PPP3CA: variants seen among roughly 807,000 people sequenced by gnomAD.
PPP3CA encodes the protein CAM-PRP catalytic subunit.
In PPP3CA, 14 loss-of-function variants were observed where a neutral mutation model predicts 66.5. That is an observed-to-expected ratio of 0.21 (90% CI 0.14 to 0.33). The LOEUF (loss-of-function observed/expected upper bound fraction) is 0.33, where lower values mean the gene tolerates loss of function less well. PPP3CA is among the 10% of genes least tolerant of loss of function. The probability of loss-of-function intolerance (pLI) is 1.00; values close to 1 mark genes in which losing one functional copy is unlikely to be tolerated. For missense variants in PPP3CA, 317 were observed against 639.5 expected (o/e 0.50, Z 5.44); for synonymous variants, 232 against 226.2 (o/e 1.03, Z -0.23).
At chr4:101,055,019 G>GT (rs1267345859) in intron 10 of PPP3CA, among the ~76,000 whole-genome samples, 5 of 152,094 alleles carry the variant, frequency 3.3e-5, no homozygotes, top group Admixed American at 6.6e-5. Context: ...AACTTCCACA[G>GT]TTTTTTCTGG....
intron 3 of PPP3CA, among the ~76,000 whole-genome samples, chr4:101,107,203 C>T (rs1237946417): frequency 6.6e-6 from 1 of 152,174 alleles, no homozygotes; most frequent in African/African-American, 2.4e-5. Flanking sequence ...CATGTGTGCT[C>T]TCAATATTCT....
chr4:101,290,264 A>G (rs1248591914), intron 1 of PPP3CA, among the ~76,000 whole-genome samples: 1 of 152,146 alleles, frequency 6.6e-6, no homozygotes, highest in Non-Finnish European at 1.5e-5. Flanking sequence ...TGTTACCTCT[A>G]TCTCCAGTTT....
intron 1 of PPP3CA, among the ~76,000 whole-genome samples, chr4:101,289,727 CT>C (rs1052494591): frequency 2.6e-5 from 4 of 152,004 alleles, no homozygotes; most frequent in African/African-American, 9.7e-5. Flanking sequence ...TGTTTTTAAA[CT>C]TACCTTTCAT....
chr4:101,196,895 T>C (rs1485174760), intron 1 of PPP3CA, among the ~76,000 whole-genome samples: 1 of 152,208 alleles, frequency 6.6e-6, no homozygotes, highest in Non-Finnish European at 1.5e-5. Context: ...TGTGAGTACA[T>C]TCATTCACTC....
chr4:101,040,020 T>C (rs1180603601), intron 11 of PPP3CA, among the ~76,000 whole-genome samples: 1 of 106,062 alleles, frequency 9.4e-6, no homozygotes, highest in African/African-American at 3.2e-5. Flanking sequence ...ATTGAAACAG[T>C]AATTTTTCTC....
intron 2 of PPP3CA, among the ~76,000 whole-genome samples, chr4:101,132,732 CT>C (rs1244243918): frequency 6.6e-6 from 1 of 152,162 alleles, no homozygotes; most frequent in East Asian, 1.9e-4. Flanking sequence ...AGAGGGACTC[CT>C]CCCTATCTCA....
intron 2 of PPP3CA, among the ~76,000 whole-genome samples, chr4:101,138,678 G>T (rs1722699876): frequency 6.6e-6 from 1 of 152,112 alleles, no homozygotes; most frequent in South Asian, 2.1e-4. Flanking sequence ...TCAGATTAGG[G>T]ATGCTCCCCT....
intron 2 of PPP3CA, among the ~76,000 whole-genome samples, chr4:101,129,068 A>C (rs1560616933): frequency 2.0e-5 from 3 of 152,252 alleles, no homozygotes; most frequent in East Asian, 3.9e-4. Flanking sequence ...GTGGTGAGGG[A>C]CATCTGCCAT....
At chr4:101,315,958 A>C (rs933763040) in intron 1 of PPP3CA, among the ~76,000 whole-genome samples, 10 of 152,148 alleles carry the variant, frequency 6.6e-5, no homozygotes, top group African/African-American at 2.2e-4. Context: ...TTGCTTGCCT[A>C]GTATGAATCT....
intron 2 of PPP3CA, among the ~76,000 whole-genome samples, chr4:101,124,741 AAGAAAGAAAG>A (rs1722177432): frequency 3.2e-5 from 3 of 93,220 alleles, no homozygotes; most frequent in African/African-American, 1.5e-4. Flanking sequence ...GAAAGAAAGA[AAGAAAGAAAG>A]AAAGAAAGAA....
intron 1 of PPP3CA, among the ~76,000 whole-genome samples, chr4:101,285,820 G>A (rs1381883647): frequency 1.3e-5 from 2 of 152,020 alleles, no homozygotes; most frequent in South Asian, 2.1e-4. Context: ...CCACAAAGCC[G>A]GTCCAGGGAA....
intron 13 of PPP3CA, among the ~76,000 whole-genome samples, chr4:101,027,096 A>C (rs1469057696): frequency 1.3e-5 from 2 of 152,138 alleles, no homozygotes; most frequent in African/African-American, 4.8e-5. Context: ...TGAGCTGCAA[A>C]TAAAACACAT....
chr4:101,191,932 G>A (rs1364002841), intron 2 of PPP3CA, among the ~76,000 whole-genome samples: 1 of 152,198 alleles, frequency 6.6e-6, no homozygotes, highest in Non-Finnish European at 1.5e-5. Context: ...AGGCAAACCA[G>A]AGAGATTAGC....
At chr4:101,151,652 CT>C (rs369745312) in intron 2 of PPP3CA, among the ~76,000 whole-genome samples, 7 of 84,822 alleles carry the variant, frequency 8.3e-5, no homozygotes, top group South Asian at 9.2e-4. Flanking sequence ...CCAAGGTTTC[CT>C]TTTTTTTTTT....
rs192514039 is a variant in PPP3CA at position 101,148,964 on chromosome 4, T to C, written c.260-39886A>G. ...TCACAGAAATTGTTCTTACATTCTTTACTAGCATGCCATATTAATGAATAA... is the reference window on the plus strand; with the variant it reads ...TCACAGAAATTGTTCTTACATTCTTCACTAGCATGCCATATTAATGAATAA... On this transcript the variant is annotated intron_variant, in intron 2 of 13. Coordinates refer to ENST00000394854, the MANE Select transcript of PPP3CA (RefSeq NM_000944.5). Among the ~76,000 whole-genome samples the C allele has an allele frequency of 7.2e-5, 11 of 152,332 alleles. No individual in the cohort carries two copies. The East Asian group carries it at 1.9e-3, about 27-fold the overall frequency.
intron 1 of PPP3CA, among the ~76,000 whole-genome samples, chr4:101,311,159 G>A (rs1024639322): frequency 2.6e-5 from 4 of 152,104 alleles, no homozygotes; most frequent in Non-Finnish European, 5.9e-5. Context: ...TTTTTTAAAA[G>A]TTATGTAAAC....
chr4:101,215,906 T>C (rs1245709579), intron 1 of PPP3CA, among the ~76,000 whole-genome samples: 1 of 152,084 alleles, frequency 6.6e-6, no homozygotes, highest in Non-Finnish European at 1.5e-5. Flanking sequence ...AGTTTAAAAT[T>C]AAAGTTGTAT....
chr4:101,294,626 A>C (rs1728136150), intron 1 of PPP3CA, among the ~76,000 whole-genome samples: 1 of 152,180 alleles, frequency 6.6e-6, no homozygotes, highest in Non-Finnish European at 1.5e-5. Context: ...AATACATTAT[A>C]TATGGCAAAG....
intron 1 of PPP3CA, among the ~76,000 whole-genome samples, chr4:101,331,260 T>A (rs1729376433): frequency 6.6e-6 from 1 of 152,144 alleles, no homozygotes; most frequent in Non-Finnish European, 1.5e-5. Context: ...AAACTTTGCA[T>A]AAGGTACTTA....
Sources: allele counts gnomAD v4.1 joint callset (sites outside exome capture counted in the v4.1 genomes callset), GRCh38; gene constraint gnomAD v4.1.1; transcripts MANE v1.5; gene names NCBI Gene and HGNC (gene_info 2026-07-23, HGNC 2026-07-21).